The following DAB1 variants were observed in gnomAD, a reference collection of about 807,000 sequenced individuals.
DAB1 encodes the protein disabled homolog 1.
In DAB1, 15 loss-of-function variants were observed where a neutral mutation model predicts 64.6. The ratio of observed to expected loss-of-function variants is 0.23; its 90% confidence interval spans 0.16 to 0.36. The LOEUF (loss-of-function observed/expected upper bound fraction) is 0.36, where lower values mean the gene tolerates loss of function less well. Among genes scored for constraint, DAB1 ranks in the 10% least tolerant of loss-of-function variants. The pLI is 1.00. For synonymous variants in DAB1, 235 were observed against 251.9 expected (o/e 0.93, Z 0.64); for missense variants, 596 against 706.7 (o/e 0.84, Z 1.78).
At chr1:57,004,013 T>C (rs990092183) in intron 14 of DAB1, among the ~76,000 whole-genome samples, 4 of 152,214 alleles carry the variant, frequency 2.6e-5, no homozygotes, top group Non-Finnish European at 5.9e-5. Flanking sequence ...TTTTTAAGCC[T>C]ACTATCCTCT....
At chr1:57,818,164 G>C (rs1435611715) in intron 6 of DAB1, among the ~76,000 whole-genome samples, 1 of 152,128 alleles carries the variant, frequency 6.6e-6, no homozygotes, top group African/African-American at 2.4e-5. Context: ...TGTGAGGGGT[G>C]TTATAATGAT....
At chr1:57,512,614 G>A (rs182171711) in intron 7 of DAB1, among the ~76,000 whole-genome samples, 7 of 152,296 alleles carry the variant, frequency 4.6e-5, no homozygotes, top group Admixed American at 2.6e-4. Context: ...GAAACATGCC[G>A]GTGTTTGCTC....
intron 4 of DAB1, among the ~76,000 whole-genome samples, chr1:58,306,357 T>C (rs1393210838): frequency 6.6e-6 from 1 of 152,220 alleles, no homozygotes; most frequent in African/African-American, 2.4e-5. Flanking sequence ...TACATTTAAA[T>C]ATCTGACATT....
intron 5 of DAB1, among the ~76,000 whole-genome samples, chr1:58,050,868 G>C (rs1046714271): frequency 1.3e-5 from 2 of 152,054 alleles, no homozygotes; most frequent in Admixed American, 1.3e-4. Flanking sequence ...GTGGCACATG[G>C]CTGATAGATT....
At position 58,246,249 on chromosome 1, in the gene DAB1, CTG is replaced by C. The variant is rs562757277; in HGVS notation, n.310-95663_310-95662del. Among the ~76,000 whole-genome samples, 6 of 152,332 alleles carry C rather than the reference CTG, an allele frequency of 3.9e-5. No homozygotes were observed. In the East Asian group the frequency reaches 1.2e-3, roughly 29 times the overall value. On this transcript the variant is annotated intron_variant and non_coding_transcript_variant, in intron 4 of 20. Coordinates refer to the DAB1 transcript ENST00000485760. ...CAATCATATGCTTTCGTGCAGAGGA[CTG>C]TGTTATACCCTGAGATTGAATAGTG...
intron 4 of DAB1, among the ~76,000 whole-genome samples, chr1:58,219,017 CTCTCTCTCTG>C (rs1177510748): frequency 8.0e-6 from 1 of 125,766 alleles, no homozygotes; most frequent in Non-Finnish European, 1.7e-5. Flanking sequence ...CTCTCTCTCT[CTCTCTCTCTG>C]TGTGTGTGTG....
At chr1:57,019,841 G>A (rs1242074140) in intron 11 of DAB1, among the ~76,000 whole-genome samples, 2 of 152,166 alleles carry the variant, frequency 1.3e-5, no homozygotes, top group Non-Finnish European at 2.9e-5. Context: ...TTACAGTTAG[G>A]TTTTTAAAAA....
chr1:57,384,440 G>A (rs957385811), intron 1 of DAB1, among the ~76,000 whole-genome samples: 6 of 152,192 alleles, frequency 3.9e-5, no homozygotes, highest in African/African-American at 1.2e-4. Context: ...GCAGTATCAT[G>A]AAGAAGTACG....
At chr1:57,706,406 A>T (rs76441935) in intron 6 of DAB1, among the ~76,000 whole-genome samples, 1 of 152,072 alleles carries the variant, frequency 6.6e-6, no homozygotes, top group Non-Finnish European at 1.5e-5. Context: ...CCCCAGGCTC[A>T]GGTGATCAAT....
intron 7 of DAB1, among the ~76,000 whole-genome samples, chr1:57,530,125 G>A (rs11806138): frequency 0.012 from 1,891 of 152,218 alleles, 52 homozygotes; most frequent in African/African-American, 0.04. Flanking sequence ...AGGAGGACAC[G>A]TGCAAATACT....
At chr1:58,025,220 T>C (rs1188162614) in intron 5 of DAB1, among the ~76,000 whole-genome samples, 1 of 152,054 alleles carries the variant, frequency 6.6e-6, no homozygotes, top group African/African-American at 2.4e-5. Context: ...AATAACTCTC[T>C]AAATACAATA....
chr1:57,824,757 A>G (rs1193002741), downstream of DAB1, among the ~76,000 whole-genome samples: 1 of 152,226 alleles, frequency 6.6e-6, no homozygotes, highest in African/African-American at 2.4e-5. Context: ...TATGGCATTC[A>G]TCCAGAGCAC....
intron 4 of DAB1, among the ~76,000 whole-genome samples, chr1:58,242,269 C>A (rs930314209): frequency 3.9e-5 from 6 of 151,928 alleles, no homozygotes; most frequent in Non-Finnish European, 5.9e-5. Flanking sequence ...ACAAAAATTC[C>A]TGCCTATGTA....
chr1:57,176,569 G>A (rs1025830670), intron 2 of DAB1, among the ~76,000 whole-genome samples: 3 of 151,998 alleles, frequency 2.0e-5, no homozygotes. Flanking sequence ...TATATTAAAC[G>A]AAAACCCCTC....
chr1:57,740,075 G>A (rs1282362053), intron 6 of DAB1, among the ~76,000 whole-genome samples: 5 of 127,000 alleles, frequency 3.9e-5, no homozygotes, highest in South Asian at 2.5e-4. Flanking sequence ...TTCGCCAGGC[G>A]TGGTCGCATG....
chr1:57,419,505 A>C (rs528617133), intron 1 of DAB1, among the ~76,000 whole-genome samples: 25 of 152,210 alleles, frequency 1.6e-4, no homozygotes, highest in African/African-American at 5.3e-4. Flanking sequence ...AAAAAAAAAA[A>C]AAAAAACCTT....
rs182414428 is a variant in DAB1, at chr1:58,039,557, A to G, written n.387+110954T>C. ...CCATACCAAAATAATAACAGAACCT[A>G]TATTTGAAAATACTTGACCCCCGCT... On this transcript the variant is annotated intron_variant and non_coding_transcript_variant, in intron 5 of 20. Transcript: ENST00000485760. 4.5e-4 allele frequency among the ~76,000 whole-genome samples: 68 copies of G among 152,264 alleles called. 1 individual carries two copies. The highest frequency in any genetic ancestry group is 8.5e-4 in the Non-Finnish European group (58 of 68,032).
chr1:58,494,448 C>A (rs900477124), intron 3 of DAB1, among the ~76,000 whole-genome samples: 3 of 152,128 alleles, frequency 2.0e-5, no homozygotes, highest in Non-Finnish European at 4.4e-5. Context: ...AGCTTCTGCA[C>A]AGCAAAAGAA....
At chr1:58,290,347 T>C (rs1661786148) in intron 4 of DAB1, among the ~76,000 whole-genome samples, 1 of 152,094 alleles carries the variant, frequency 6.6e-6, no homozygotes, top group African/African-American at 2.4e-5. Context: ...AGAGAAGGAT[T>C]TGTAAGGGCA....
Sources: gnomAD v4.1 joint callset for allele counts (sites outside exome capture counted in the v4.1 genomes callset) on GRCh38, gnomAD v4.1.1 for gene constraint, MANE v1.5 for transcripts, NCBI Gene and HGNC (gene_info 2026-07-23, HGNC 2026-07-21) for gene names.